The following CRYM variants were observed in gnomAD, a reference collection of about 807,000 sequenced individuals.
CRYM encodes ketimine reductase mu-crystallin.
Under a neutral mutation model 32.9 loss-of-function variants are expected in CRYM, and 18 were observed. The observed-to-expected ratio is 0.55, with a 90% confidence interval of 0.38 to 0.81. The LOEUF (loss-of-function observed/expected upper bound fraction) is 0.81. Ranked by LOEUF, CRYM falls within the 30% of genes least tolerant of loss-of-function variation. The pLI, the probability that CRYM is intolerant of heterozygous loss-of-function variation, is 0.00. For missense variants in CRYM, 337 were observed against 393.5 expected (o/e 0.86, Z 1.21); for synonymous variants, 153 against 152.4 (o/e 1.00, Z -0.03).
Position 21,258,823 on chromosome 16 carries a change from A to G in CRYM, c.903T>C (p.Val301=). The G allele has an allele frequency of 1.2e-6, 2 of 1,614,198 alleles. No homozygotes were observed. Among genetic ancestry groups the G allele is most frequent in the Non-Finnish European group, 8.5e-7 (1 of 1,180,034 alleles). Residue 301 remains valine (V), a synonymous_variant, in exon 8 of 8, where the codon GTT becomes GTC. Transcript: ENST00000572914. ...AGGAATCATAGATGAGTTTGGCTGC[A>G]ACTGTGTCTTCCACTGCCATTCCTA... ...KSLGMAVEDT[V]AAKLIYDSWS...
chr16:21,261,603 T>A (rs1298597777), intron 6 of CRYM: 2 of 547,194 alleles, frequency 3.7e-6, no homozygotes, highest in East Asian at 6.4e-5. Context: ...CCAAGATCAT[T>A]GTGTCAGTGA....
At chr16:21,282,308 C>A (rs1017957107), upstream of CRYM, among the ~76,000 whole-genome samples, 1 of 152,170 alleles carries the variant, frequency 6.6e-6, no homozygotes, top group African/African-American at 2.4e-5. Flanking sequence ...CAGTCTCAGG[C>A]ATGTGTTTAT....
chr16:21,274,599 T>C (rs993954472), intron 3 of CRYM, among the ~76,000 whole-genome samples: 4 of 152,194 alleles, frequency 2.6e-5, no homozygotes, highest in African/African-American at 9.6e-5. Context: ...TTGTTTGTTT[T>C]GTTTTGTTTC....
intron 7 of CRYM, among the ~76,000 whole-genome samples, chr16:21,260,150 G>C (rs1406485486): frequency 6.6e-6 from 1 of 152,112 alleles, no homozygotes; most frequent in Non-Finnish European, 1.5e-5. Context: ...CTGATGCTCT[G>C]CCAGGCATTT....
chr16:21,281,969 G>A (rs1277449364), upstream of CRYM, among the ~76,000 whole-genome samples: 1 of 152,040 alleles, frequency 6.6e-6, no homozygotes, highest in Non-Finnish European at 1.5e-5. Flanking sequence ...TCTGATCTTG[G>A]CCAAGGCATG....
At chr16:21,279,717 G>T (rs896901526), upstream of CRYM, among the ~76,000 whole-genome samples, 3 of 152,224 alleles carry the variant, frequency 2.0e-5, no homozygotes, top group Admixed American at 6.5e-5. Context: ...TGCTGAAGTT[G>T]TGCTTTGTGG....
chr16:21,269,610 T>C (rs2093370810), intron 4 of CRYM, among the ~76,000 whole-genome samples, 180 bp downstream of exon 4: 1 of 152,236 alleles, frequency 6.6e-6, no homozygotes, highest in African/African-American at 2.4e-5. Context: ...GATCTTCCCC[T>C]GACTCTTATC....
chr16:21,274,884 G>A (rs1406458063), intron 3 of CRYM, among the ~76,000 whole-genome samples: 1 of 152,180 alleles, frequency 6.6e-6, no homozygotes, highest in African/African-American at 2.4e-5. Context: ...GGGATTACAG[G>A]CGTGAGCCAC....
intron 1 of CRYM, 67 bp downstream of exon 1, chr16:21,278,015 T>A (rs1033642501): frequency 1.9e-5 from 28 of 1,465,982 alleles, no homozygotes; most frequent in Non-Finnish European, 2.5e-5. Flanking sequence ...CCACCCCTCC[T>A]CTTCCTGCTC....
upstream of CRYM, among the ~76,000 whole-genome samples, chr16:21,283,046 C>G (rs1350730373): frequency 6.6e-6 from 1 of 152,134 alleles, no homozygotes; most frequent in Non-Finnish European, 1.5e-5. Context: ...TTTCCCCGCC[C>G]TTCCCTGAGA....
chr16:21,259,118 A>AGAT (rs1244304025), intron 7 of CRYM, among the ~76,000 whole-genome samples: 1 of 149,298 alleles, frequency 6.7e-6, no homozygotes, highest in Non-Finnish European at 1.5e-5. Flanking sequence ...TTTTTTTTCG[A>AGAT]GATGGAGTCT....
chr16:21,277,610 AGCCCCTTCCCATCAATGCTGGG>A lies in CRYM; in HGVS notation c.171-48_171-27del. The A allele has an allele frequency of 6.2e-7, 1 of 1,612,780 alleles. No homozygotes were observed. The highest frequency in any genetic ancestry group is 1.1e-5 in the South Asian group (1 of 91,040). ...CTACAAGGAGAGAGGGAGCAGCTTC[AGCCCCTTCCCATCAATGCTGGG>A]GTCTCTTAGAAAGTATCCATATACT... is the stretch of plus-strand genomic sequence containing the variant. On this transcript the variant is annotated intron_variant, in intron 1 of 7. Transcript: ENST00000572914. The surrounding 1 kb of genome is among the most constrained non-coding windows in gnomAD (Gnocchi z 4.2).
At chr16:21,258,906 G>T in intron 7 of CRYM, 61 bp from the exon 8 acceptor site, 1 of 1,417,438 alleles carries the variant, frequency 7.1e-7, no homozygotes. Context: ...AAACAACCCA[G>T]GCCCCATGGC....
At chr16:21,267,489 A>G in intron 5 of CRYM, 65 bp downstream of exon 5, 2 of 1,537,310 alleles carry the variant, frequency 1.3e-6, no homozygotes, top group Non-Finnish European at 1.8e-6. Context: ...AATGTAGTCG[A>G]CTGGTCCCGT....
rs140182454 is a variant in CRYM at position 21,293,028 on chromosome 16, A to AAAGATAGATAGAT, written c.-193+9949_-193+9950insATCTATCTATCTT. Among the ~76,000 whole-genome samples, 4 of 150,364 alleles carry AAAGATAGATAGAT rather than the reference A, an allele frequency of 2.7e-5. No individual in the cohort carries two copies. The East Asian group carries it at 7.9e-4, about 30-fold the overall frequency. On this transcript the variant is annotated intron_variant, in intron 1 of 9. Coordinates refer to the CRYM transcript ENST00000219599. ...AATAGATGGATAGGTAAGTAGATAGAAGATAGATAGATAGATAGATAGATA... is the reference window on the plus strand; with the variant it reads ...AATAGATGGATAGGTAAGTAGATAGAAAGATAGATAGATAGATAGATAGATAGATAGATAGATA...
chr16:21,291,182 GAAT>G (rs923662764), intron 1 of CRYM, among the ~76,000 whole-genome samples: 127 of 152,210 alleles, frequency 8.3e-4, no homozygotes, highest in Admixed American at 8.3e-3. Flanking sequence ...TTGCAGATTG[GAAT>G]AATACTTTTA....
chr16:21,291,363 C>A (rs1031162822), intron 1 of CRYM, among the ~76,000 whole-genome samples: 1 of 152,104 alleles, frequency 6.6e-6, no homozygotes. Flanking sequence ...CTCTACAAAT[C>A]TCATCAGAGC....
At chr16:21,284,857 T>C (rs540974958) in intron 1 of CRYM, among the ~76,000 whole-genome samples, 4 of 152,352 alleles carry the variant, frequency 2.6e-5, no homozygotes, top group Admixed American at 6.5e-5. Flanking sequence ...CCCAAACTGC[T>C]TTCCACAGTT....
At chr16:21,288,270 A>C (rs903509894) in intron 1 of CRYM, among the ~76,000 whole-genome samples, 6 of 152,360 alleles carry the variant, frequency 3.9e-5, no homozygotes, top group Middle Eastern at 3.4e-3. Flanking sequence ...GTTTTTAGTT[A>C]CTAATTAAAT....
Sources: allele counts gnomAD v4.1 joint callset (sites outside exome capture counted in the v4.1 genomes callset), GRCh38; gene constraint gnomAD v4.1.1; non-coding constraint Gnocchi (gnomAD v3.1); transcripts MANE v1.5; gene names NCBI Gene and HGNC (gene_info 2026-07-23, HGNC 2026-07-21).